CYP4A22: variants seen among roughly 807,000 people sequenced by gnomAD.
The protein encoded by CYP4A22 is cytochrome P450 family 4 subfamily A member 22.
A neutral mutation model predicts 56.2 loss-of-function variants in CYP4A22; 46 were observed. The observed-to-expected ratio is 0.82, with a 90% CI of 0.65 to 1.05. CYP4A22 has a LOEUF of 1.05. CYP4A22 is among the 50% of genes least tolerant of loss of function. CYP4A22 has a pLI of 0.00. For missense variants in CYP4A22, 541 were observed against 645.9 expected, an observed-to-expected ratio of 0.84 and a Z score of 1.76; for synonymous variants, 193 against 251.1, an observed-to-expected ratio of 0.77 and a Z score of 2.19.
At chr1:47,140,499 C>T (rs1302199978) in intron 1 of CYP4A22, among the ~76,000 whole-genome samples, 1 of 152,040 alleles carries the variant, frequency 6.6e-6, no homozygotes, top group African/African-American at 2.4e-5. Context: ...GCACATTGCC[C>T]AAGGAAATTG....
intron 1 of CYP4A22, among the ~76,000 whole-genome samples, chr1:47,140,282 T>A (rs1644993197): frequency 6.6e-6 from 1 of 152,196 alleles, no homozygotes; most frequent in African/African-American, 2.4e-5. Flanking sequence ...AATTTTATAG[T>A]TAATCTTTTT....
rs375976849 is a variant in CYP4A22, at chr1:47,148,659, C to G, written c.1422C>G (p.Thr474=). Residue 474 remains threonine (T), a synonymous_variant, in exon 12 of 12, where the codon ACC becomes ACG. Coordinates refer to ENST00000371891, the MANE Select transcript of CYP4A22 (RefSeq NM_001010969.4). ...AGCTGAAGGTGGCCAGGGCCCTGAC[C>G]CTGCTCCGCTTTGAGCTGCTGCCTG... The part of the protein sequence containing the change: ...MNQLKVARAL[T]LLRFELLPDP... The G allele has an allele frequency of 1.5e-5, 24 of 1,613,948 alleles. No homozygotes were observed. The highest frequency in any genetic ancestry group is 2.0e-5 in the Non-Finnish European group (24 of 1,179,950).
At chr1:47,141,777 CT>C (rs1645012672) in intron 3 of CYP4A22, among the ~76,000 whole-genome samples, 162 bp downstream of exon 3, 1 of 152,310 alleles carries the variant, frequency 6.6e-6, no homozygotes, top group South Asian at 2.1e-4. Context: ...CTTCCTAATG[CT>C]GGTGCAAACC....
Position 47,142,111 on chromosome 1 carries a change from A to G in CYP4A22, c.386A>G (p.Tyr129Cys). The G allele has an allele frequency of 6.2e-7, 1 of 1,612,680 alleles. No individual in the cohort carries two copies. The highest frequency in any genetic ancestry group is 1.7e-5 in the Admixed American group (1 of 59,844). The change falls in exon 4 of 12, where the codon TAC becomes TGC. Residue 129 changes from tyrosine (Y) to cysteine (C), a missense_variant. Coordinates refer to ENST00000371891, the MANE Select transcript of CYP4A22 (RefSeq NM_001010969.4). ...SYKFLAPRIGYGLLLLNGQTW... is the reference protein window; with the variant it reads ...SYKFLAPRIGCGLLLLNGQTW... ...CACATATTCGTGTCTACCTTAGGGT[A>G]CGGCTTGCTCCTGTTGAATGGGCAG...
chr1:47,142,208 C>T lies in CYP4A22; in HGVS notation c.483C>T (p.Leu161=), dbSNP rs1252433348. 6.2e-7 allele frequency: 1 copy of T among 1,612,860 alleles called. No homozygotes were observed. Among genetic ancestry groups the T allele is most frequent in the South Asian group, 1.1e-5 (1 of 90,860 alleles). The change falls in exon 4 of 12, where the codon CTC becomes CTT. Residue 161 remains leucine, a synonymous_variant. Transcript: ENST00000371891. ...ACATCCTGAAGCCATACGTGGGGCT[C>T]ATGGCAGACTCTGTACGAGTGATGC... ...HNDILKPYVG[L]MADSVRVMLD... is the part of the protein sequence containing the mutation.
In CYP4A22 at chr1:47,144,451, C is replaced by G. The variant is rs1645051310; in HGVS notation, c.885C>G (p.Leu295=). 2 of 1,613,894 alleles carry G rather than the reference C, an allele frequency of 1.2e-6. No individual in the cohort carries two copies. The highest frequency in any genetic ancestry group is 2.7e-5 in the African/African-American group (2 of 74,934). ...RKRHLDFLDI[L]LLAKMENGSI... ...GGCACTTGGATTTTCTGGACATCCT[C>G]CTCTTGGCCAAAGTGAGTATGTGTA... The change falls in exon 7 of 12, where the codon CTC becomes CTG. Residue 295 remains leucine, a synonymous_variant. Transcript: ENST00000371891.
chr1:47,143,965 G>A, intron 6 of CYP4A22, 49 bp downstream of exon 6: 4 of 1,568,266 alleles, frequency 2.6e-6, no homozygotes, highest in Non-Finnish European at 2.6e-6. Context: ...CACAGTGAAA[G>A]TACCTGCCCT....
intron 1 of CYP4A22, among the ~76,000 whole-genome samples, 191 bp downstream of exon 1, chr1:47,137,871 G>A (rs150105836): frequency 1.4e-3 from 209 of 152,300 alleles, no homozygotes; most frequent in African/African-American, 4.7e-3. Context: ...AGCCCATCCT[G>A]CTGGTCCTCA....
Position 47,143,288 on chromosome 1 carries a change from T to C in CYP4A22, c.530T>C (p.Leu177Pro), listed in dbSNP as rs754252488. The C allele has an allele frequency of 1.2e-6, 2 of 1,613,356 alleles. No homozygotes were observed. The highest frequency in any genetic ancestry group is 4.5e-5 in the East Asian group (2 of 44,876). The change falls in exon 5 of 12, where the codon CTT (leucine) becomes CCT (proline). Residue 177 changes from leucine to proline, a missense_variant. Leu to Pro is a moderately conservative substitution (Grantham distance 98). This residue lies in a region of CYP4A22 where 335 missense variants were observed against 361.2 expected (regional missense o/e 0.93). Transcript: ENST00000371891. The part of the protein sequence containing the change: ...RVMLDKWEEL[L>P]GQDSPLEVFQ... ...CCACAGGACAAATGGGAAGAGCTCCTTGGCCAGGATTCCCCTCTGGAGGTC... is the reference window on the plus strand; with the variant it reads ...CCACAGGACAAATGGGAAGAGCTCCCTGGCCAGGATTCCCCTCTGGAGGTC...
At chr1:47,145,069 TC>T (rs1645061659) in intron 9 of CYP4A22, 99 bp downstream of exon 9, 7 of 1,512,210 alleles carry the variant, frequency 4.6e-6, no homozygotes, top group Non-Finnish European at 5.3e-6. Flanking sequence ...TCTCTGGGTC[TC>T]CCTTTTGTTC....
intron 1 of CYP4A22, among the ~76,000 whole-genome samples, chr1:47,139,217 A>G (rs1293884430): frequency 6.6e-6 from 1 of 152,194 alleles, no homozygotes; most frequent in East Asian, 1.9e-4. Flanking sequence ...ACCTTCTTCA[A>G]GAAGGCCTCC....
At position 47,145,008 on chromosome 1, in the gene CYP4A22, C is replaced by A. The variant is rs186919328; in HGVS notation, c.1222+38C>A. 464 of 1,611,610 alleles carry A rather than the reference C, an allele frequency of 2.9e-4. 1 individual carries two copies. The East Asian group carries it at 9.1e-3, about 32-fold the overall frequency. On this transcript the variant is annotated intron_variant, in intron 9 of 11. Transcript: ENST00000371891. The stretch of plus-strand genomic sequence containing the variant: ...CCCACCCTCTCACCCAAAGTCTCCA[C>A]GGGGACGTGTGGAGGGTGAGAAATC...
chr1:47,140,922 G>A lies in CYP4A22; in HGVS notation c.337+1G>A. The A allele has an allele frequency of 4.3e-6, 7 of 1,613,824 alleles. No homozygotes were observed. Among genetic ancestry groups the A allele is most frequent in the Admixed American group, 1.7e-5 (1 of 60,006 alleles). On this transcript the variant is annotated splice_donor_variant, in intron 2 of 11. Coordinates refer to ENST00000371891, the MANE Select transcript of CYP4A22 (RefSeq NM_001010969.4). LOFTEE classifies it high-confidence loss of function. The stretch of plus-strand genomic sequence containing the variant: ...ATGAAGGTGATTCTGGGGAGATCAG[G>A]TGAGATCGAACCCCCATCCCAACTG...
intron 1 of CYP4A22, among the ~76,000 whole-genome samples, chr1:47,139,470 G>C (rs1313646423): frequency 2.6e-5 from 4 of 152,186 alleles, no homozygotes; most frequent in African/African-American, 9.7e-5. Flanking sequence ...AGCTTCCCCA[G>C]ATGCTTGTCC....
rs778415452 is a variant in CYP4A22, at chr1:47,148,650, G to A, written c.1413G>A (p.Arg471=). ...QFAMNQLKVA[R]ALTLLRFELL... is the part of the protein sequence containing the mutation. ...CCATGAACCAGCTGAAGGTGGCCAGGGCCCTGACCCTGCTCCGCTTTGAGC... is the reference window on the plus strand; with the variant it reads ...CCATGAACCAGCTGAAGGTGGCCAGAGCCCTGACCCTGCTCCGCTTTGAGC... Residue 471 remains arginine (R), a synonymous_variant, in exon 12 of 12, where the codon AGG becomes AGA. Coordinates refer to ENST00000371891, the MANE Select transcript of CYP4A22 (RefSeq NM_001010969.4). The A allele has an allele frequency of 1.1e-5, 18 of 1,613,780 alleles. No individual in the cohort carries two copies. The East Asian group carries it at 3.8e-4, about 34-fold the overall frequency.
chr1:47,138,144 A>G (rs1471023145), intron 1 of CYP4A22, among the ~76,000 whole-genome samples: 1 of 152,142 alleles, frequency 6.6e-6, no homozygotes, highest in Non-Finnish European at 1.5e-5. Flanking sequence ...ACAGGCAGGA[A>G]TTTGAGAAGG....
Position 47,145,743 on chromosome 1 carries a change from T to C in CYP4A22, c.1223-123T>C, listed in dbSNP as rs145260903. ...CACCTGCATAATGGCAGAATCATCC[T>C]AGTCAAAGTGACAATTTATAGAAAG... On this transcript the variant is annotated intron_variant, in intron 9 of 11. Transcript: ENST00000371891. 2.8e-4 allele frequency: 393 copies of C among 1,392,830 alleles called. 2 individuals carry two copies. In the East Asian group the frequency reaches 7.9e-3, roughly 28 times the overall value. The allele number at this position is 1,392,830 out of a possible 1,614,324, so 86.3% of individuals were successfully genotyped here.
At chr1:47,147,323 A>G in intron 11 of CYP4A22, 1 of 985,390 alleles carries the variant, frequency 1.0e-6, no homozygotes, top group Non-Finnish European at 1.2e-6. Context: ...CAGAACTAAT[A>G]TTTTACTCTC....
chr1:47,147,259 T>G, intron 11 of CYP4A22: 1 of 985,464 alleles, frequency 1.0e-6, no homozygotes, highest in South Asian at 4.7e-5. Context: ...TGCCTGCAAA[T>G]CATGTCGCTG....
Sources: allele counts gnomAD v4.1 joint callset (sites outside exome capture counted in the v4.1 genomes callset), GRCh38; gene constraint gnomAD v4.1.1; regional missense constraint gnomAD v4.1.1; transcripts MANE v1.5; gene names NCBI Gene and HGNC (gene_info 2026-07-23, HGNC 2026-07-21).